CCDC136: variants seen among roughly 807,000 people sequenced by gnomAD.
CCDC136 encodes coiled-coil domain-containing protein 136.
CCDC136 carries 100 observed loss-of-function variants against 141.2 expected under a neutral mutation model. That is an observed-to-expected ratio of 0.71 (90% confidence interval 0.60 to 0.84). The LOEUF is 0.84. CCDC136 is among the 40% of genes least tolerant of loss of function. The probability of loss-of-function intolerance (pLI) is 0.00; values close to 1 mark genes in which losing one functional copy is unlikely to be tolerated. For synonymous variants in CCDC136, 474 were observed against 531.9 expected, an observed-to-expected ratio of 0.89 and a Z score of 1.50; for missense variants, 1,206 against 1,379.4, an observed-to-expected ratio of 0.87 and a Z score of 1.99.
Position 128,794,397 on chromosome 7 carries a change from G to A in CCDC136, c.66G>A (p.Glu22=), listed in dbSNP as rs192348781. 1.9e-5 allele frequency: 30 copies of A among 1,554,018 alleles called. No homozygotes were observed. In the Admixed American group the frequency reaches 5.7e-4, roughly 29 times the overall value. ...ALYEEEEEEE[E]EEEEVEEEEE... is the part of the protein sequence containing the mutation. ...ATGAGGAGGAAGAGGAAGAGGAAGA[G>A]GAGGAAGAAGAGGTGGAAGAAGAAG... Residue 22 remains glutamate, a synonymous_variant, in exon 2 of 18, where the codon GAG becomes GAA. Transcript: ENST00000297788. The surrounding 1 kb of genome is among the most constrained non-coding windows in gnomAD (Gnocchi z 4.3).
At chr7:128,809,374 A>G (rs1054512132) in intron 10 of CCDC136, 76 bp from the exon 11 acceptor site, 2 of 977,134 alleles carry the variant, frequency 2.0e-6, no homozygotes, top group African/African-American at 3.2e-5. Context: ...AGGAGAGCGC[A>G]GAAGTGCTCT....
intron 4 of CCDC136, among the ~76,000 whole-genome samples, chr7:128,804,091 C>A (rs894293976): frequency 6.6e-6 from 1 of 152,206 alleles, no homozygotes; most frequent in African/African-American, 2.4e-5. Flanking sequence ...GTTGGGATTA[C>A]AGGCTTGAGC....
chr7:128,806,401 A>G lies in CCDC136; in HGVS notation c.1248+6A>G, dbSNP rs1313872267. 4 of 1,597,106 alleles carry G rather than the reference A, an allele frequency of 2.5e-6. No homozygotes were observed. Among genetic ancestry groups the G allele is most frequent in the Non-Finnish European group, 3.4e-6 (4 of 1,169,464 alleles). On this transcript the variant is annotated splice_donor_region_variant and intron_variant, in intron 8 of 17. Transcript: ENST00000297788. ...TAGAAAACCAGAGTGAGAAGGTAACAGCAACCAGAGGTGAGGGGACAACTT... is the reference window on the plus strand; with the variant it reads ...TAGAAAACCAGAGTGAGAAGGTAACGGCAACCAGAGGTGAGGGGACAACTT...
Position 128,805,556 on chromosome 7 carries a change from A to G in CCDC136, c.948+32A>G, listed in dbSNP as rs1804701274. On this transcript the variant is annotated intron_variant, in intron 6 of 17. Transcript: ENST00000297788. This position sits in a 1 kb window ranked among gnomAD's most constrained non-coding sequence, Gnocchi z 4.6. ...CACAGAGGGTGGGGAAGGCAGGCAC[A>G]TTTCTTGTCTTTCTTTCACCTTCTC... 1 of 1,575,128 alleles carries G rather than the reference A, an allele frequency of 6.3e-7. No homozygotes were observed. Among genetic ancestry groups the G allele is most frequent in the Non-Finnish European group, 8.6e-7 (1 of 1,159,368 alleles).
At position 128,792,269 on chromosome 7, in the gene CCDC136, GCCCGCAGCCAGCCCCCCAC is replaced by G; in HGVS notation, c.-139_-121del. 6.6e-7 allele frequency: 1 copy of G among 1,506,826 alleles called. No homozygotes were observed. The highest frequency in any genetic ancestry group is 8.9e-7 in the Non-Finnish European group (1 of 1,122,688). The allele number at this position is 1,506,826 out of a possible 1,614,324, so 93.3% of individuals were successfully genotyped here. ...GTCCCCTTCTTTCCTCTGCACCCCA[GCCCGCAGCCAGCCCCCCAC>G]CCCCCAGCCCCTCCTTTCTCCCTGC... is the stretch of plus-strand genomic sequence containing the variant. On this transcript the variant is annotated 5_prime_UTR_variant, in exon 1 of 18. An upstream open reading frame in the 5' UTR loses its in-frame stop. Transcript: ENST00000297788.
chr7:128,800,241 T>G (rs375290185), intron 3 of CCDC136, among the ~76,000 whole-genome samples: 1 of 152,232 alleles, frequency 6.6e-6, no homozygotes, highest in Non-Finnish European at 1.5e-5. Context: ...ATACTTTCTT[T>G]TAAATGGCTG....
rs1418371163 is a variant in CCDC136, at chr7:128,792,403, C to G, written c.-9C>G. Reference sequence around the variant, plus strand: ...GGGCCAACGCTGGGGGTCCCTGGAACGACGGGGGATGCAAGCTATGGAGGG... The same window carrying G: ...GGGCCAACGCTGGGGGTCCCTGGAAGGACGGGGGATGCAAGCTATGGAGGG... On this transcript the variant is annotated 5_prime_UTR_variant, in exon 1 of 18. Coordinates refer to ENST00000297788, the MANE Select transcript of CCDC136 (RefSeq NM_022742.5). The G allele has an allele frequency of 1.2e-6, 2 of 1,610,418 alleles. No homozygotes were observed. The highest frequency in any genetic ancestry group is 1.7e-5 in the Admixed American group (1 of 59,706).
intron 16 of CCDC136, 136 bp downstream of exon 16, chr7:128,816,067 G>T: frequency 1.2e-6 from 1 of 804,676 alleles, no homozygotes. Context: ...AACCCTTCGG[G>T]GAGGTGGAGA....
Position 128,811,831 on chromosome 7 carries a change from C to T in CCDC136, c.2060C>T (p.Ala687Val). The T allele has an allele frequency of 6.2e-7, 1 of 1,601,466 alleles. No individual in the cohort carries two copies. ...AAGCTGCTCATGGAGCAGATGCAGGCCCTGCAGGTGATGTATGACGCCGGT... is the reference window on the plus strand; with the variant it reads ...AAGCTGCTCATGGAGCAGATGCAGGTCCTGCAGGTGATGTATGACGCCGGT... ...QSKLLMEQMQ[A>V]LQVMYDAGQA... The change falls in exon 13 of 18, where the codon GCC becomes GTC. Residue 687 changes from alanine (A) to valine (V), a missense_variant. Transcript: ENST00000297788.
rs375460362 is a variant in CCDC136, at chr7:128,816,037, G to C, written c.3363+106G>C. 14 of 1,122,958 alleles carry C rather than the reference G, an allele frequency of 1.2e-5. No individual in the cohort carries two copies. The East Asian group carries it at 1.3e-4, about 10-fold the overall frequency. 69.6% of individuals were successfully genotyped at this position (1,122,958 alleles called of 1,614,324 possible). A position where few individuals can be genotyped will look rare whatever the true frequency, so the allele number is the denominator to read the frequency against. On this transcript the variant is annotated intron_variant, in intron 16 of 17. Transcript: ENST00000297788. The stretch of plus-strand genomic sequence containing the variant: ...AAGGATGGATATCTCCAGGAGTGGA[G>C]GCCTCGCGCTCTAAGGCACAACCCT...
chr7:128,817,820 G>T lies in CCDC136; in HGVS notation c.3426G>T (p.Ser1142=). 2 of 1,613,660 alleles carry T rather than the reference G, an allele frequency of 1.2e-6. No homozygotes were observed. Among genetic ancestry groups the T allele is most frequent in the Non-Finnish European group, 1.7e-6 (2 of 1,179,836 alleles). ...SLPLVGLVVI[S]ALLWCWWAET... is the part of the protein sequence containing the mutation. ...CTCTTGTAGGCCTGGTGGTCATCTC[G>T]GCTTTGCTCTGGTGCTGGTGGGCTG... is the stretch of plus-strand genomic sequence containing the variant. Residue 1142 remains serine (S), a synonymous_variant, in exon 17 of 18, where the codon TCG becomes TCT. Coordinates refer to ENST00000297788, the MANE Select transcript of CCDC136 (RefSeq NM_022742.5). The surrounding 1 kb of genome is among the most constrained non-coding windows in gnomAD (Gnocchi z 4.6).
intron 4 of CCDC136, among the ~76,000 whole-genome samples, chr7:128,804,242 G>A (rs1010127526): frequency 1.3e-5 from 2 of 152,218 alleles, no homozygotes; most frequent in African/African-American, 2.4e-5. Flanking sequence ...TCAGCTTTTT[G>A]TACTAAAAGC....
At chr7:128,792,696 G>A (rs1802362426) in intron 1 of CCDC136, among the ~76,000 whole-genome samples, 1 of 152,196 alleles carries the variant, frequency 6.6e-6, no homozygotes, top group Non-Finnish European at 1.5e-5. Flanking sequence ...AAGAGGCCTT[G>A]TTGGACAGAG....
intron 3 of CCDC136, among the ~76,000 whole-genome samples, chr7:128,800,204 A>G (rs1262776487): frequency 6.6e-6 from 1 of 152,186 alleles, no homozygotes; most frequent in Non-Finnish European, 1.5e-5. Flanking sequence ...TTAATATGGA[A>G]ACTTCTTTGT....
intron 3 of CCDC136, among the ~76,000 whole-genome samples, chr7:128,798,531 T>C (rs368139869): frequency 2.4e-4 from 36 of 151,956 alleles, no homozygotes; most frequent in Admixed American, 2.0e-3. Context: ...GGATTAAAGG[T>C]GTGAGCCACC....
At chr7:128,792,533 C>T (rs1802338376) in intron 1 of CCDC136, 106 bp downstream of exon 1, 3 of 786,902 alleles carry the variant, frequency 3.8e-6, no homozygotes, top group South Asian at 3.7e-5. Context: ...CAGCCCTTCC[C>T]TCAGTTCATC....
At chr7:128,795,504 G>A (rs1802811248) in intron 3 of CCDC136, among the ~76,000 whole-genome samples, 1 of 152,012 alleles carries the variant, frequency 6.6e-6, no homozygotes, top group South Asian at 2.1e-4. Context: ...AGGAAGGCCA[G>A]GAAGCAGGCC....
chr7:128,797,705 T>C (rs898891084), intron 3 of CCDC136, among the ~76,000 whole-genome samples: 1 of 152,214 alleles, frequency 6.6e-6, no homozygotes, highest in African/African-American at 2.4e-5. Flanking sequence ...AGTAGTCATT[T>C]TGAAGAGAAG....
chr7:128,792,077 C>G lies in CCDC136; in HGVS notation c.-335C>G, dbSNP rs999180521. 1 of 1,340,570 alleles carries G rather than the reference C, an allele frequency of 7.5e-7. No individual in the cohort carries two copies. Among genetic ancestry groups the G allele is most frequent in the African/African-American group, 1.5e-5 (1 of 65,556 alleles). The allele number at this position is 1,340,570 out of a possible 1,614,324, so 83.0% of individuals were successfully genotyped here. ...CCCCCGGACTAAATACGCACACCCC[C>G]TCTTTCTTTCTGTGCAAGCAAGAGG... On this transcript the variant is annotated 5_prime_UTR_variant, in exon 1 of 18. Coordinates refer to ENST00000297788, the MANE Select transcript of CCDC136 (RefSeq NM_022742.5).
Sources: gnomAD v4.1 joint callset for allele counts (sites outside exome capture counted in the v4.1 genomes callset) on GRCh38, gnomAD v4.1.1 for gene constraint, Gnocchi (gnomAD v3.1) non-coding constraint, MANE v1.5 for transcripts, NCBI Gene and HGNC (gene_info 2026-07-23, HGNC 2026-07-21) for gene names.